TENM4: variants seen among roughly 807,000 people sequenced by gnomAD.
TENM4 encodes teneurin-4.
A neutral mutation model predicts 243.3 loss-of-function variants in TENM4; 82 were observed. The ratio of observed to expected loss-of-function variants is 0.34; its 90% CI spans 0.28 to 0.40. TENM4 has a LOEUF of 0.40. TENM4 is among the 10% of genes least tolerant of loss of function. The pLI is 1.00. For missense variants in TENM4, 3,138 were observed against 3,673.3 expected, an observed-to-expected ratio of 0.85 and a Z score of 3.77; for synonymous variants, 1,412 against 1,456.3, an observed-to-expected ratio of 0.97 and a Z score of 0.69.
chr11:78,684,531 C>T (rs141554728), intron 29 of TENM4, among the ~76,000 whole-genome samples: 1 of 151,154 alleles, frequency 6.6e-6, no homozygotes, highest in African/African-American at 2.5e-5. Context: ...CTCTCACAAA[C>T]ACACATACAC....
intron 1 of TENM4, among the ~76,000 whole-genome samples, chr11:79,423,634 C>A (rs1274346004): frequency 6.7e-6 from 1 of 149,002 alleles, no homozygotes; most frequent in African/African-American, 2.5e-5. Flanking sequence ...TTGGCCTGCT[C>A]CAGAACAAGG....
At chr11:79,416,581 C>G (rs983359943) in intron 1 of TENM4, among the ~76,000 whole-genome samples, 1 of 152,038 alleles carries the variant, frequency 6.6e-6, no homozygotes, top group Non-Finnish European at 1.5e-5. Context: ...AAGGTACAAC[C>G]CTACTATGTG....
intron 16 of TENM4, among the ~76,000 whole-genome samples, chr11:78,781,525 A>T (rs1428139580): frequency 1.3e-5 from 2 of 152,178 alleles, no homozygotes; most frequent in East Asian, 3.8e-4. Context: ...CTGATCACCA[A>T]CATAAAACTT....
chr11:78,815,748 T>A (rs1355049630), intron 12 of TENM4, among the ~76,000 whole-genome samples: 3 of 152,194 alleles, frequency 2.0e-5, no homozygotes, highest in Non-Finnish European at 4.4e-5. Context: ...GGTCACCAAA[T>A]CTGACAAGTA....
Position 79,030,529 on chromosome 11 carries a change from G to C in TENM4, c.493+34209C>G, listed in dbSNP as rs368376327. Among the ~76,000 whole-genome samples, 191 of 152,290 alleles carry C rather than the reference G, an allele frequency of 1.3e-3. 5 individuals carry two copies. In the South Asian group the frequency reaches 0.035, roughly 28 times the overall value. On this transcript the variant is annotated intron_variant, in intron 6 of 33. Transcript: ENST00000278550. ...GAAACTCGGCAGCAGGCAGGGAGGA[G>C]AGACAGCTCCCCACTGGATATCTGG...
chr11:79,055,603 C>A (rs1565184757), intron 6 of TENM4, among the ~76,000 whole-genome samples: 1 of 152,072 alleles, frequency 6.6e-6, no homozygotes, highest in East Asian at 1.9e-4. Flanking sequence ...ATTGGTTGAC[C>A]CATAGTTTTG....
At chr11:79,032,686 T>A (rs780768281) in intron 6 of TENM4, among the ~76,000 whole-genome samples, 6 of 152,186 alleles carry the variant, frequency 3.9e-5, no homozygotes, top group Non-Finnish European at 5.9e-5. Context: ...AACAGAAAGA[T>A]AATTGCTTGA....
In TENM4 at chr11:78,712,800, T is replaced by C. The variant is rs1033727971; in HGVS notation, c.3822-86A>G. 3.9e-6 allele frequency: 5 copies of C among 1,284,802 alleles called. No homozygotes were observed. In the African/African-American group the frequency reaches 4.4e-5, roughly 11 times the overall value. 79.6% of individuals were successfully genotyped at this position (1,284,802 alleles called of 1,614,324 possible). On this transcript the variant is annotated intron_variant, in intron 25 of 33. Coordinates refer to ENST00000278550, the MANE Select transcript of TENM4 (RefSeq NM_001098816.3). Reference sequence around the variant, plus strand: ...ATGTACAGATGAACCCCTGGCCCTTTAGAATCCAAGCAAAAATATCTTATG... The same window carrying C: ...ATGTACAGATGAACCCCTGGCCCTTCAGAATCCAAGCAAAAATATCTTATG...
chr11:79,327,030 A>G (rs1856985690), intron 1 of TENM4, among the ~76,000 whole-genome samples: 1 of 152,228 alleles, frequency 6.6e-6, no homozygotes, highest in Non-Finnish European at 1.5e-5. Context: ...AAAGAGCTCA[A>G]TTAAATATAT....
chr11:78,829,174 C>T (rs1042527979), intron 12 of TENM4, among the ~76,000 whole-genome samples: 1 of 152,180 alleles, frequency 6.6e-6, no homozygotes, highest in African/African-American at 2.4e-5. Context: ...TGAGTGTGAC[C>T]CACGTGTGGC....
chr11:79,083,267 G>A (rs1379884575), intron 4 of TENM4, among the ~76,000 whole-genome samples: 4 of 152,198 alleles, frequency 2.6e-5, no homozygotes, highest in East Asian at 3.9e-4. Flanking sequence ...CTGTGCCATC[G>A]CAAGCCTTCG....
At chr11:79,193,238 A>T (rs528049559) in intron 3 of TENM4, 1 of 152,356 alleles carries the variant, frequency 6.6e-6, no homozygotes, top group South Asian at 2.1e-4. Context: ...CAGATTTGGA[A>T]CCTGGGCCTC....
At chr11:79,155,204 T>C (rs982392502) in intron 3 of TENM4, among the ~76,000 whole-genome samples, 21 of 151,908 alleles carry the variant, frequency 1.4e-4, no homozygotes, top group African/African-American at 4.8e-4. Context: ...AGATCCGGAG[T>C]ATCTGGGCCA....
At chr11:78,853,360 C>T (rs1858590286) in intron 12 of TENM4, among the ~76,000 whole-genome samples, 1 of 152,198 alleles carries the variant, frequency 6.6e-6, no homozygotes, top group Non-Finnish European at 1.5e-5. Context: ...GAAGCAGACA[C>T]ATTCTGTGCA....
chr11:78,945,453 CTG>C (rs1193769966), intron 6 of TENM4, among the ~76,000 whole-genome samples: 1 of 152,224 alleles, frequency 6.6e-6, no homozygotes, highest in Non-Finnish European at 1.5e-5. Flanking sequence ...TGGCCATTCC[CTG>C]TCTTTCTTCC....
intron 4 of TENM4, among the ~76,000 whole-genome samples, chr11:79,072,842 T>C (rs1860450207): frequency 6.6e-6 from 1 of 152,208 alleles, no homozygotes; most frequent in African/African-American, 2.4e-5. Context: ...TGTTAGCCAT[T>C]ATTAATATGA....
intron 6 of TENM4, among the ~76,000 whole-genome samples, chr11:78,964,257 G>C (rs1470427391): frequency 6.6e-6 from 1 of 151,730 alleles, no homozygotes; most frequent in East Asian, 1.9e-4. Context: ...TGGCCAGGAT[G>C]GTCTCAATCT....
intron 12 of TENM4, among the ~76,000 whole-genome samples, chr11:78,828,142 A>T (rs1857899125): frequency 6.6e-6 from 1 of 152,148 alleles, no homozygotes; most frequent in Non-Finnish European, 1.5e-5. Context: ...CTCAAATCTT[A>T]AGGCTGGGCT....
intron 18 of TENM4, among the ~76,000 whole-genome samples, chr11:78,764,611 CCAT>C (rs1271697323): frequency 6.6e-6 from 1 of 152,182 alleles, no homozygotes; most frequent in Non-Finnish European, 1.5e-5. Context: ...GTGGTGGAAG[CCAT>C]TCCCTACAGG....
Sources: gnomAD v4.1 joint callset for allele counts (sites outside exome capture counted in the v4.1 genomes callset) on GRCh38, gnomAD v4.1.1 for gene constraint, MANE v1.5 for transcripts, NCBI Gene and HGNC (gene_info 2026-07-23, HGNC 2026-07-21) for gene names.